The following COLQ variants were observed in gnomAD, a reference collection of about 807,000 sequenced individuals.
The protein encoded by COLQ is acetylcholinesterase collagenic tail peptide.
A neutral mutation model predicts 69.0 loss-of-function variants in COLQ; 48 were observed. That is an observed-to-expected ratio of 0.70 (90% CI 0.55 to 0.88). The LOEUF (loss-of-function observed/expected upper bound fraction) is 0.88. Among genes scored for constraint, COLQ ranks in the 40% least tolerant of loss-of-function variants. The probability of loss-of-function intolerance (pLI) is 0.00; values close to 1 mark genes in which losing one functional copy is unlikely to be tolerated. For synonymous variants in COLQ, 217 were observed against 211.2 expected (o/e 1.03, Z -0.24); for missense variants, 618 against 594.6 (o/e 1.04, Z -0.41).
At chr3:15,505,847 C>T (rs2062903617) in intron 1 of COLQ, among the ~76,000 whole-genome samples, 1 of 152,196 alleles carries the variant, frequency 6.6e-6, no homozygotes, top group African/African-American at 2.4e-5. Flanking sequence ...GTTTCCATGC[C>T]TTCATTTTTC....
chr3:15,470,006 C>G (rs966214624), intron 11 of COLQ, among the ~76,000 whole-genome samples: 1 of 152,190 alleles, frequency 6.6e-6, no homozygotes, highest in African/African-American at 2.4e-5. Context: ...AACACAAGAG[C>G]CTGCTGACCA....
intron 12 of COLQ, among the ~76,000 whole-genome samples, chr3:15,459,843 T>C (rs1243107030): frequency 1.3e-5 from 2 of 152,010 alleles, no homozygotes; most frequent in African/African-American, 4.8e-5. Context: ...ATGTGCACAA[T>C]GTGCAGGTTA....
Position 15,477,109 on chromosome 3 carries a change from G to C in COLQ, c.465+17C>G. ...TGTTTTGACACCGCATGAGCCCTGA[G>C]AGCATGCCACACTTACCCTGGGTCC... On this transcript the variant is annotated intron_variant, in intron 6 of 16. Transcript: ENST00000383788. 1 of 1,594,136 alleles carries C rather than the reference G, an allele frequency of 6.3e-7. No homozygotes were observed. The highest frequency in any genetic ancestry group is 8.5e-7 in the Non-Finnish European group (1 of 1,170,294).
At chr3:15,456,112 T>C (rs1038178362) in intron 14 of COLQ, 93 bp from the exon 15 acceptor site, 14 of 1,436,268 alleles carry the variant, frequency 9.7e-6, no homozygotes, top group Non-Finnish European at 1.4e-5. Flanking sequence ...AAGGCACTGC[T>C]GGGGGGCATG....
At chr3:15,495,506 T>A (rs2062734145) in intron 1 of COLQ, among the ~76,000 whole-genome samples, 1 of 152,174 alleles carries the variant, frequency 6.6e-6, no homozygotes, top group Non-Finnish European at 1.5e-5. Context: ...TAGGAGAATG[T>A]TTAGTTACTT....
intron 1 of COLQ, among the ~76,000 whole-genome samples, chr3:15,510,513 GC>G (rs1304597084): frequency 5.9e-5 from 9 of 151,830 alleles, no homozygotes; most frequent in African/African-American, 2.2e-4. Flanking sequence ...TTCAAGACGA[GC>G]CTGGGCAACA....
At chr3:15,496,156 C>CAAATG (rs2062742557) in intron 1 of COLQ, 1 of 152,646 alleles carries the variant, frequency 6.6e-6, no homozygotes, top group East Asian at 1.9e-4. Context: ...TCTTCAGTGA[C>CAAATG]CACAAATTAT....
chr3:15,510,541 C>CTACAAAAA (rs1434234351), intron 1 of COLQ, among the ~76,000 whole-genome samples: 3 of 151,760 alleles, frequency 2.0e-5, no homozygotes, highest in Non-Finnish European at 4.4e-5. Flanking sequence ...AACCCTGTCT[C>CTACAAAAA]TACAAAAAAT....
intron 12 of COLQ, among the ~76,000 whole-genome samples, chr3:15,460,330 G>T (rs1575464887): frequency 6.6e-6 from 1 of 152,282 alleles, no homozygotes; most frequent in East Asian, 1.9e-4. Flanking sequence ...ATTCTGGCTG[G>T]CAGAAAAGCA....
rs374490483 is a variant in COLQ, at chr3:15,458,269, A to C, written c.871T>G (p.Cys291Gly). 6 of 1,614,036 alleles carry C rather than the reference A, an allele frequency of 3.7e-6. No homozygotes were observed. In the African/African-American group the frequency reaches 5.3e-5, roughly 14 times the overall value. Reference sequence around the variant, plus strand: ...ACATTCATAGTGGGTCCACAAAGACATCTTCCTGGAGGCCCGGGAAATCCT... The same window carrying C: ...ACATTCATAGTGGGTCCACAAAGACCTCTTCCTGGAGGCCCGGGAAATCCT... ...ERGFPGPPGR[C>G]LCGPTMNVNN... The change falls in exon 13 of 17, where the codon TGT becomes GGT. Residue 291 changes from cysteine to glycine, a missense_variant. Physicochemically the swap from Cys to Gly is radical, Grantham distance 159 (BLOSUM62 -3). Transcript: ENST00000383788.
Position 15,451,489 on chromosome 3 carries a change from G to A in COLQ, c.*155C>T. The A allele has an allele frequency of 1.3e-6, 1 of 784,988 alleles. No individual in the cohort carries two copies. The highest frequency in any genetic ancestry group is 2.3e-6 in the Non-Finnish European group (1 of 433,362). The allele number at this position is 784,988 out of a possible 1,614,324, so 48.6% of individuals were successfully genotyped here. On this transcript the variant is annotated 3_prime_UTR_variant, in exon 17 of 17. Transcript: ENST00000383788. ...CAGTGGTCCTAAATTCTTCCAGTCA[G>A]ACTGAGTTAACAGCATGTCTTAGTA...
At chr3:15,456,358 G>A in intron 14 of COLQ, 102 bp downstream of exon 14, 1 of 1,514,746 alleles carries the variant, frequency 6.6e-7, no homozygotes, top group South Asian at 1.2e-5. Context: ...ACAGACTGTA[G>A]AAAGCCCTCC....
intron 1 of COLQ, among the ~76,000 whole-genome samples, chr3:15,517,545 A>C (rs560919284): frequency 3.3e-5 from 5 of 152,322 alleles, no homozygotes; most frequent in African/African-American, 1.2e-4. Context: ...ACTGGAGCCA[A>C]GTCAATCCAC....
At chr3:15,497,483 G>C (rs1264542432) in intron 1 of COLQ, among the ~76,000 whole-genome samples, 2 of 152,114 alleles carry the variant, frequency 1.3e-5, no homozygotes, top group Non-Finnish European at 1.5e-5. Context: ...TTTCCATCAA[G>C]TAGCCTTCCC....
intron 15 of COLQ, 53 bp downstream of exon 15, chr3:15,455,846 C>T (rs748636506): frequency 1.2e-6 from 2 of 1,611,642 alleles, no homozygotes; most frequent in Non-Finnish European, 1.7e-6. Flanking sequence ...GGCCCTGAGT[C>T]CCACCCCCCT....
At chr3:15,482,862 C>T (rs2062512867) in intron 3 of COLQ, among the ~76,000 whole-genome samples, 1 of 152,066 alleles carries the variant, frequency 6.6e-6, no homozygotes, top group African/African-American at 2.4e-5. Context: ...GGTTGGTAGG[C>T]TATTAATTAT....
chr3:15,470,938 G>C (rs1350679585), intron 10 of COLQ, among the ~76,000 whole-genome samples: 3 of 152,184 alleles, frequency 2.0e-5, no homozygotes. Flanking sequence ...GAGAGGCTGG[G>C]GCATCCAGCA....
rs561501899 is a variant in COLQ, at chr3:15,514,756, G to A, written c.106+6764C>T. 2.0e-5 allele frequency among the ~76,000 whole-genome samples: 3 copies of A among 152,338 alleles called. No individual in the cohort carries two copies. In the East Asian group the frequency reaches 5.8e-4, roughly 29 times the overall value. On this transcript the variant is annotated intron_variant, in intron 1 of 16. Coordinates refer to ENST00000383788, the MANE Select transcript of COLQ (RefSeq NM_005677.4). ...CAGAGACCAGAGTCACATGCCCAGAGGGGGCTAGAGAGGTAGATGTAGTAA... is the reference window on the plus strand; with the variant it reads ...CAGAGACCAGAGTCACATGCCCAGAAGGGGCTAGAGAGGTAGATGTAGTAA...
chr3:15,505,798 T>C (rs1244938844), intron 1 of COLQ, among the ~76,000 whole-genome samples: 1 of 152,264 alleles, frequency 6.6e-6, no homozygotes, highest in Admixed American at 6.5e-5. Flanking sequence ...TGCTGACAAC[T>C]GTGACTGCGT....
Sources: allele counts gnomAD v4.1 joint callset (sites outside exome capture counted in the v4.1 genomes callset), GRCh38; gene constraint gnomAD v4.1.1; transcripts MANE v1.5; gene names NCBI Gene and HGNC (gene_info 2026-07-23, HGNC 2026-07-21).